ERCC3: variants seen among roughly 807,000 people sequenced by gnomAD.
ERCC3 encodes general transcription and DNA repair factor IIH helicase/translocase subunit XPB.
Under a neutral mutation model 94.2 loss-of-function variants are expected in ERCC3, and 66 were observed. That is an observed-to-expected ratio of 0.70 (90% CI 0.57 to 0.86). The LOEUF (loss-of-function observed/expected upper bound fraction) is 0.86. ERCC3 is among the 40% of genes least tolerant of loss of function. The pLI, the probability that ERCC3 is intolerant of heterozygous loss-of-function variation, is 0.00. For missense variants in ERCC3, 829 were observed against 987.1 expected (o/e 0.84, Z 2.15); for synonymous variants, 349 against 369.1 (o/e 0.95, Z 0.63).
chr2:127,273,113 T>A, intron 10 of ERCC3, 152 bp from the exon 11 acceptor site: 1 of 619,766 alleles, frequency 1.6e-6, no homozygotes, highest in South Asian at 1.9e-5. Context: ...AATGACTGGC[T>A]ACAGATGCAC....
chr2:127,259,969 G>C lies in ERCC3; in HGVS notation c.2065-521C>G, dbSNP rs1278729133. ...CTGAGAGAGTAAGAACAGCATGGTG[G>C]AGACTGGGTTTTCATTTCTATGGGG... On this transcript the variant is annotated intron_variant, in intron 13 of 14. Transcript: ENST00000285398. This position sits in a 1 kb window ranked among gnomAD's most constrained non-coding sequence, Gnocchi z 4.9. 2 of 180,790 alleles carry C rather than the reference G, an allele frequency of 1.1e-5. No homozygotes were observed. The highest frequency in any genetic ancestry group is 2.4e-5 in the Non-Finnish European group (2 of 84,138). 11.2% of individuals were successfully genotyped at this position (180,790 alleles called of 1,614,324 possible).
chr2:127,293,697 C>G lies in ERCC3; in HGVS notation c.50G>C (p.Arg17Pro). The G allele has an allele frequency of 1.2e-6, 2 of 1,613,284 alleles. No individual in the cohort carries two copies. Among genetic ancestry groups the G allele is most frequent in the Non-Finnish European group, 1.7e-6 (2 of 1,180,022 alleles). Reference sequence around the variant, plus strand: ...ATCATCCTCTTCATCCTCATAGTGCCGCTTCCTGGATTTCTTCTTGTCTGC... The same window carrying G: ...ATCATCCTCTTCATCCTCATAGTGCGGCTTCCTGGATTTCTTCTTGTCTGC... ...ADRDKKKSRKRHYEDEEDDEE... is the reference protein window; with the variant it reads ...ADRDKKKSRKPHYEDEEDDEE... The change falls in exon 2 of 15, where the codon CGG (arginine) becomes CCG (proline). Residue 17 changes from arginine to proline, a missense_variant. Physicochemically the swap from Arg to Pro is moderately radical, Grantham distance 103. Coordinates refer to ENST00000285398, the MANE Select transcript of ERCC3 (RefSeq NM_000122.2).
chr2:127,289,952 T>C (rs887653521), intron 4 of ERCC3, 128 bp from the exon 5 acceptor site: 5 of 1,135,114 alleles, frequency 4.4e-6, no homozygotes, highest in Middle Eastern at 2.3e-4. Flanking sequence ...TCGCCAAATC[T>C]GTACCATGAG....
At chr2:127,289,221 G>A in intron 6 of ERCC3, 116 bp downstream of exon 6, 3 of 903,506 alleles carry the variant, frequency 3.3e-6, no homozygotes, top group Non-Finnish European at 3.7e-6. Context: ...AAGCAATTCA[G>A]GGACCAACAG....
At position 127,271,571 on chromosome 2, in the gene ERCC3, A is replaced by G. The variant is rs1350365526; in HGVS notation, c.1828-118T>C. The G allele has an allele frequency of 1.3e-6, 1 of 786,704 alleles. No individual in the cohort carries two copies. Among genetic ancestry groups the G allele is most frequent in the African/African-American group, 1.7e-5 (1 of 58,324 alleles). The allele number at this position is 786,704 out of a possible 1,614,324, so 48.7% of individuals were successfully genotyped here. A position where few individuals can be genotyped will look rare whatever the true frequency, so the allele number is the denominator to read the frequency against. On this transcript the variant is annotated intron_variant, in intron 11 of 14. Transcript: ENST00000285398. This position sits in a 1 kb window ranked among gnomAD's most constrained non-coding sequence, Gnocchi z 5.0. ...ACATAATCACTCTTTTCTCCTCTTT[A>G]TACCAGGGTCTATCTGATGCAGGCA...
intron 10 of ERCC3, among the ~76,000 whole-genome samples, chr2:127,276,800 T>C (rs952265810): frequency 2.0e-5 from 3 of 152,104 alleles, no homozygotes; most frequent in African/African-American, 7.2e-5. Flanking sequence ...ACTTTCAAAT[T>C]TCCAAAAAGA....
Position 127,264,118 on chromosome 2 carries a change from C to CGG in ERCC3, c.1946-2773_1946-2772insCC, listed in dbSNP as rs777550603. Among the ~76,000 whole-genome samples the CGG allele has an allele frequency of 2.0e-5, 3 of 152,116 alleles. No individual in the cohort carries two copies. Among genetic ancestry groups the CGG allele is most frequent in the Non-Finnish European group, 2.9e-5 (2 of 68,030 alleles). On this transcript the variant is annotated intron_variant, in intron 12 of 14. Transcript: ENST00000285398. This position sits in a 1 kb window ranked among gnomAD's most constrained non-coding sequence, Gnocchi z 4.4. ...TTTATTATTGTGAGATATGTTCCTT[C>CGG]GATGCCATTTGTTGAGGGTTTTTAT...
chr2:127,275,188 G>A (rs1269429004), intron 10 of ERCC3, among the ~76,000 whole-genome samples: 1 of 152,086 alleles, frequency 6.6e-6, no homozygotes, highest in African/African-American at 2.4e-5. Context: ...CAATGCCCGA[G>A]AGCCACAGGA....
At position 127,280,492 on chromosome 2, in the gene ERCC3, C is replaced by G. The variant is rs762169009; in HGVS notation, c.1482G>C (p.Met494Ile). ...IGPKLYEANW[M>I]ELQNNGYIAK... ...CGATGTAGCCATTATTCTGCAGCTC[C>G]ATCCAGTTGGCTTCGTAGAGCTTAG... Residue 494 changes from methionine to isoleucine, a missense_variant, in exon 9 of 15, where the codon ATG becomes ATC. Transcript: ENST00000285398. This position sits in a 1 kb window ranked among gnomAD's most constrained non-coding sequence, Gnocchi z 6.3. 7 of 1,613,874 alleles carry G rather than the reference C, an allele frequency of 4.3e-6. No individual in the cohort carries two copies. The highest frequency in any genetic ancestry group is 1.7e-6 in the Non-Finnish European group (2 of 1,179,934).
chr2:127,261,013 T>C (rs1684173663), intron 13 of ERCC3: 4 of 577,258 alleles, frequency 6.9e-6, no homozygotes, highest in Admixed American at 2.7e-5. Flanking sequence ...GTGCTGGTCA[T>C]AGTGCCATGG....
At position 127,286,769 on chromosome 2, in the gene ERCC3, C is replaced by A; in HGVS notation, c.1276G>T (p.Val426Phe). 6.2e-7 allele frequency: 1 copy of A among 1,614,186 alleles called. No individual in the cohort carries two copies. The change falls in exon 8 of 15, where the codon GTC (valine) becomes TTC (phenylalanine). Residue 426 changes from valine (V) to phenylalanine (F), a missense_variant. Coordinates refer to ENST00000285398, the MANE Select transcript of ERCC3 (RefSeq NM_000122.2). ...TTKRSWEAERVMEWLKTQEWG... is the reference protein window; with the variant it reads ...TTKRSWEAERFMEWLKTQEWG... Reference sequence around the variant, plus strand: ...TCCTGGGTCTTGAGCCACTCCATGACTCGCTCGGCCTCCCAGGACCTTTTG... The same window carrying A: ...TCCTGGGTCTTGAGCCACTCCATGAATCGCTCGGCCTCCCAGGACCTTTTG...
chr2:127,266,709 A>ATTTTTTT (rs960627621), intron 12 of ERCC3, among the ~76,000 whole-genome samples: 17 of 87,316 alleles, frequency 1.9e-4, no homozygotes, highest in African/African-American at 2.6e-4. Flanking sequence ...ATGATCAATT[A>ATTTTTTT]TTTTTTTTTT....
At chr2:127,276,701 G>A (rs1684744028) in intron 10 of ERCC3, among the ~76,000 whole-genome samples, 1 of 152,156 alleles carries the variant, frequency 6.6e-6, no homozygotes, top group South Asian at 2.1e-4. Flanking sequence ...CAAAAAAACA[G>A]AAATTCTCAG....
chr2:127,269,989 C>T (rs1684499649), intron 12 of ERCC3, among the ~76,000 whole-genome samples: 1 of 151,878 alleles, frequency 6.6e-6, no homozygotes. Flanking sequence ...CCACTGCACT[C>T]CAGCCTGGGT....
chr2:127,261,578 T>C (rs776320418), intron 12 of ERCC3: 1 of 527,156 alleles, frequency 1.9e-6, no homozygotes, highest in East Asian at 3.4e-5. Flanking sequence ...GGAAAGCATA[T>C]ATCTGATAAG....
Position 127,280,710 on chromosome 2 carries a change from A to T in ERCC3, c.1343-79T>A, listed in dbSNP as rs1410995282. On this transcript the variant is annotated intron_variant, in intron 8 of 14. Transcript: ENST00000285398. This position sits in a 1 kb window ranked among gnomAD's most constrained non-coding sequence, Gnocchi z 6.3. ...TTATTTATTTTAAAATATTTTTTGT[A>T]GAGATGGGGTCTCATTATATTGCCC... 2 of 1,304,638 alleles carry T rather than the reference A, an allele frequency of 1.5e-6. No individual in the cohort carries two copies. The highest frequency in any genetic ancestry group is 2.2e-6 in the Non-Finnish European group (2 of 930,122). The allele number at this position is 1,304,638 out of a possible 1,614,324, so 80.8% of individuals were successfully genotyped here. A position where few individuals can be genotyped will look rare whatever the true frequency, so the allele number is the denominator to read the frequency against.
At position 127,292,814 on chromosome 2, in the gene ERCC3, G is replaced by T; in HGVS notation, c.267C>A (p.Phe89Leu). ...CTTGGGCATATTTGTAAACTGGAGAGAAGGCTTCCAAGAAGATATGGCCAT... is the reference window on the plus strand; with the variant it reads ...CTTGGGCATATTTGTAAACTGGAGATAAGGCTTCCAAGAAGATATGGCCAT... ...APDGHIFLEA[F>L]SPVYKYAQDF... The change falls in exon 3 of 15, where the codon TTC (phenylalanine) becomes TTA (leucine). Residue 89 changes from phenylalanine to leucine, a missense_variant. Transcript: ENST00000285398. 6.2e-7 allele frequency: 1 copy of T among 1,613,592 alleles called. No homozygotes were observed.
Position 127,257,727 on chromosome 2 carries a change from C to A in ERCC3, c.2218G>T (p.Ala740Ser), listed in dbSNP as rs1171070703. 5.6e-6 allele frequency: 9 copies of A among 1,614,162 alleles called. No homozygotes were observed. The highest frequency in any genetic ancestry group is 1.1e-5 in the South Asian group (1 of 91,082). ...AGEFGSRSSQ[A>S]SRRFGTMSSM... is the part of the protein sequence containing the mutation. The stretch of plus-strand genomic sequence containing the variant: ...CTCATGGTGCCAAAGCGCCGAGATG[C>A]CTGCCGGGAAGGGGGAACCAGCCCA... Residue 740 changes from alanine (A) to serine (S), a missense_variant and splice_region_variant, in exon 15 of 15, where the codon GCA (alanine) becomes TCA (serine). Ala to Ser is a moderately conservative substitution (Grantham distance 99, BLOSUM62 1). Transcript: ENST00000285398. The surrounding 1 kb of genome is among the most constrained non-coding windows in gnomAD (Gnocchi z 5.4).
chr2:127,289,992 T>C, intron 4 of ERCC3, 168 bp from the exon 5 acceptor site: 1 of 900,966 alleles, frequency 1.1e-6, no homozygotes, highest in South Asian at 1.6e-5. Context: ...ATATGAGGGT[T>C]GTGACTTTGA....
Sources: allele counts gnomAD v4.1 joint callset (sites outside exome capture counted in the v4.1 genomes callset), GRCh38; gene constraint gnomAD v4.1.1; non-coding constraint Gnocchi (gnomAD v3.1); transcripts MANE v1.5; gene names NCBI Gene and HGNC (gene_info 2026-07-23, HGNC 2026-07-21).